SGCZ: variants seen among roughly 807,000 people sequenced by gnomAD.
SGCZ encodes the protein zeta-sarcoglycan.
SGCZ carries 40 observed loss-of-function variants against 41.3 expected under a neutral mutation model. That is an observed-to-expected ratio of 0.97 (90% CI 0.75 to 1.26). The LOEUF is 1.26. SGCZ is among the 50% of genes most tolerant of loss of function. The pLI is 0.00. For synonymous variants in SGCZ, 206 were observed against 137.5 expected, an observed-to-expected ratio of 1.50 and a Z score of -3.49; for missense variants, 552 against 369.8, an observed-to-expected ratio of 1.49 and a Z score of -4.04.
At chr8:15,111,393 T>G (rs886221509) in intron 1 of SGCZ, among the ~76,000 whole-genome samples, 23 of 152,270 alleles carry the variant, frequency 1.5e-4, no homozygotes, top group African/African-American at 5.3e-4. Flanking sequence ...CATCCCTTCA[T>G]TTGCATAGGG....
At chr8:14,492,153 G>A (rs940177489) in intron 2 of SGCZ, among the ~76,000 whole-genome samples, 1 of 152,124 alleles carries the variant, frequency 6.6e-6, no homozygotes, top group African/African-American at 2.4e-5. Context: ...TTATTTTATA[G>A]ATAAGATTTA....
chr8:14,266,030 A>C (rs759253675), intron 3 of SGCZ, among the ~76,000 whole-genome samples: 13 of 152,070 alleles, frequency 8.5e-5, no homozygotes, highest in Non-Finnish European at 1.6e-4. Context: ...AGAGGCTCTT[A>C]AGCATGCCAA....
intron 2 of SGCZ, among the ~76,000 whole-genome samples, chr8:14,414,480 G>C (rs1435945876): frequency 1.3e-5 from 2 of 151,946 alleles, no homozygotes; most frequent in Middle Eastern, 3.4e-3. Flanking sequence ...TAAATGTTAT[G>C]TTTGGAACCT....
chr8:14,102,094 ATATATATAT>A (rs1563127094), intron 7 of SGCZ, among the ~76,000 whole-genome samples: 39 of 104,130 alleles, frequency 3.7e-4, no homozygotes, highest in African/African-American at 1.6e-3. Context: ...ATATATATAT[ATATATATAT>A]AATTTTTTTT....
chr8:14,990,491 T>C (rs1247722026), intron 1 of SGCZ, among the ~76,000 whole-genome samples: 3 of 152,170 alleles, frequency 2.0e-5, no homozygotes, highest in Admixed American at 2.0e-4. Flanking sequence ...TAGATTCGTA[T>C]TGGAGCGCAA....
At chr8:14,304,137 C>T (rs1801278852) in intron 3 of SGCZ, among the ~76,000 whole-genome samples, 1 of 152,070 alleles carries the variant, frequency 6.6e-6, no homozygotes, top group South Asian at 2.1e-4. Context: ...ATTCAGCATT[C>T]CTATTTTCAA....
In SGCZ at chr8:14,089,536, T is replaced by C. The variant is rs571322655; in HGVS notation, c.*907A>G. ...GCAGAGTGAGTGGAGCAAACAAAAA[T>C]TATACTATTAAAACCTAGGTGTAAA... On this transcript the variant is annotated 3_prime_UTR_variant, in exon 8 of 8. Transcript: ENST00000382080. Among the ~76,000 whole-genome samples, 1 of 152,094 alleles carries C rather than the reference T, an allele frequency of 6.6e-6. No individual in the cohort carries two copies. Among genetic ancestry groups the C allele is most frequent in the East Asian group, 1.9e-4 (1 of 5,152 alleles).
intron 3 of SGCZ, among the ~76,000 whole-genome samples, chr8:14,263,822 C>G (rs376083251): frequency 1.3e-5 from 2 of 152,182 alleles, no homozygotes; most frequent in Admixed American, 1.3e-4. Flanking sequence ...CTTCACCCCT[C>G]TCCCAACTCC....
At chr8:14,573,565 T>C (rs902807703) in intron 1 of SGCZ, among the ~76,000 whole-genome samples, 1 of 152,188 alleles carries the variant, frequency 6.6e-6, no homozygotes, top group Non-Finnish European at 1.5e-5. Flanking sequence ...TATTAGAGAA[T>C]TTTTCATCCA....
At chr8:14,690,207 A>C (rs1808755314) in intron 1 of SGCZ, among the ~76,000 whole-genome samples, 1 of 152,126 alleles carries the variant, frequency 6.6e-6, no homozygotes, top group African/African-American at 2.4e-5. Context: ...ATTTTTAGAA[A>C]AAGGGTTATG....
intron 1 of SGCZ, among the ~76,000 whole-genome samples, chr8:14,561,315 T>C (rs996819731): frequency 7.0e-4 from 106 of 152,298 alleles, no homozygotes; most frequent in African/African-American, 2.4e-3. Flanking sequence ...ATTGTCATTC[T>C]AATGGAATCT....
intron 1 of SGCZ, among the ~76,000 whole-genome samples, chr8:15,079,681 A>G (rs1805670603): frequency 6.6e-6 from 1 of 152,158 alleles, no homozygotes; most frequent in Admixed American, 6.5e-5. Context: ...TTTCCGATCC[A>G]TTATTTTGGT....
chr8:14,114,987 T>C (rs886223256), intron 5 of SGCZ, among the ~76,000 whole-genome samples: 1 of 152,018 alleles, frequency 6.6e-6, no homozygotes, highest in Non-Finnish European at 1.5e-5. Flanking sequence ...TGTGGTTTGA[T>C]GGAAACGACA....
At chr8:14,957,184 T>C (rs1326410187) in intron 1 of SGCZ, among the ~76,000 whole-genome samples, 4 of 152,322 alleles carry the variant, frequency 2.6e-5, no homozygotes, top group Middle Eastern at 6.8e-3. Context: ...TTCTCTCTTA[T>C]GCAAATAGCC....
At chr8:14,128,474 C>G (rs1398253099) in intron 5 of SGCZ, among the ~76,000 whole-genome samples, 1 of 152,106 alleles carries the variant, frequency 6.6e-6, no homozygotes, top group Non-Finnish European at 1.5e-5. Context: ...ACTACAACCT[C>G]TATGGAAAAC....
chr8:14,442,169 C>G (rs1165788804), intron 2 of SGCZ, among the ~76,000 whole-genome samples: 1 of 152,146 alleles, frequency 6.6e-6, no homozygotes, highest in Non-Finnish European at 1.5e-5. Context: ...TGTCACTACC[C>G]AAATCTCAGA....
chr8:15,112,336 G>A (rs932905127), intron 1 of SGCZ, among the ~76,000 whole-genome samples: 1 of 152,214 alleles, frequency 6.6e-6, no homozygotes, highest in African/African-American at 2.4e-5. Flanking sequence ...GCAAACAATA[G>A]TATTGAGTTT....
chr8:14,364,400 G>C lies in SGCZ; in HGVS notation c.235-40196C>G, dbSNP rs185653724. The stretch of plus-strand genomic sequence containing the variant: ...TATAGGAATTATTAATAAATCATGG[G>C]AAATGTATATTCTTTGTCTCACTGA... On this transcript the variant is annotated intron_variant, in intron 2 of 7. Coordinates refer to ENST00000382080, the MANE Select transcript of SGCZ (RefSeq NM_139167.4). 5.3e-5 allele frequency among the ~76,000 whole-genome samples: 8 copies of C among 152,186 alleles called. No homozygotes were observed. The East Asian group carries it at 1.5e-3, about 29-fold the overall frequency.
intron 1 of SGCZ, among the ~76,000 whole-genome samples, chr8:14,890,338 G>T (rs190872943): frequency 6.6e-6 from 1 of 152,274 alleles, no homozygotes; most frequent in Admixed American, 6.5e-5. Context: ...AATTAAAAGT[G>T]TTACTCTAGT....
Sources: allele counts gnomAD v4.1 joint callset (sites outside exome capture counted in the v4.1 genomes callset), GRCh38; gene constraint gnomAD v4.1.1; transcripts MANE v1.5; gene names NCBI Gene and HGNC (gene_info 2026-07-23, HGNC 2026-07-21).